CNTNAP2: variants seen among roughly 807,000 people sequenced by gnomAD.
CNTNAP2 encodes contactin-associated protein-like 2.
CNTNAP2 carries 98 observed loss-of-function variants against 155.2 expected under a neutral mutation model. The ratio of observed to expected loss-of-function variants is 0.63; its 90% confidence interval spans 0.54 to 0.75. The LOEUF (loss-of-function observed/expected upper bound fraction) is 0.75, where lower values mean the gene tolerates loss of function less well. Among genes scored for constraint, CNTNAP2 ranks in the 30% least tolerant of loss-of-function variants. The probability of loss-of-function intolerance (pLI) is 0.00; values close to 1 mark genes in which losing one functional copy is unlikely to be tolerated. For synonymous variants in CNTNAP2, 651 were observed against 631.2 expected, an observed-to-expected ratio of 1.03 and a Z score of -0.47; for missense variants, 1,727 against 1,688.1, an observed-to-expected ratio of 1.02 and a Z score of -0.40.
At chr7:146,174,140 C>T (rs13438331) in intron 1 of CNTNAP2, among the ~76,000 whole-genome samples, 28 of 151,058 alleles carry the variant, frequency 1.9e-4, no homozygotes, top group African/African-American at 2.9e-4. Flanking sequence ...CAGGGGAGGA[C>T]GCAGTGAGCT....
chr7:148,238,745 A>T (rs1298816649), intron 20 of CNTNAP2, among the ~76,000 whole-genome samples: 1 of 152,208 alleles, frequency 6.6e-6, no homozygotes, highest in Non-Finnish European at 1.5e-5. Context: ...AAATATGAAC[A>T]TAACCTCTTG....
rs116667288 is a variant in CNTNAP2, at chr7:148,044,972, G to A, written c.2383+66983G>A. 3.7e-3 allele frequency among the ~76,000 whole-genome samples: 564 copies of A among 152,178 alleles called. 2 individuals are homozygous for A. Among genetic ancestry groups the A allele is most frequent in the African/African-American group, 0.011 (462 of 41,504 alleles). ...CTCTCAAAGTGCTGAGATGACAGGC[G>A]GGAGCCACCACGCCCAGCCACCCTG... is the stretch of plus-strand genomic sequence containing the variant. On this transcript the variant is annotated intron_variant, in intron 15 of 23. Transcript: ENST00000361727.
At chr7:146,554,807 G>GTT (rs780403247) in intron 1 of CNTNAP2, among the ~76,000 whole-genome samples, 4 of 152,204 alleles carry the variant, frequency 2.6e-5, no homozygotes, top group African/African-American at 9.6e-5. Context: ...GTAAGGCAGC[G>GTT]TAAGAGCCAG....
chr7:146,615,920 A>G (rs571217153), intron 1 of CNTNAP2, among the ~76,000 whole-genome samples: 1 of 152,168 alleles, frequency 6.6e-6, no homozygotes, highest in African/African-American at 2.4e-5. Flanking sequence ...CCCTTGGAAC[A>G]TCTCTCCCCA....
In CNTNAP2 at chr7:147,132,368, A is replaced by T; in HGVS notation, c.1207A>T (p.Thr403Ser). 1 of 1,613,674 alleles carries T rather than the reference A, an allele frequency of 6.2e-7. No individual in the cohort carries two copies. Among genetic ancestry groups the T allele is most frequent in the Non-Finnish European group, 8.5e-7 (1 of 1,179,794 alleles). The change falls in exon 8 of 24, where the codon ACA (threonine) becomes TCA (serine). Residue 403 changes from threonine (T) to serine (S), a missense_variant. Thr to Ser is a moderately conservative substitution (Grantham distance 58). Transcript: ENST00000361727. The stretch of plus-strand genomic sequence containing the variant: ...GTTCTCAGTCAGTTTCCAGTTTAGG[A>T]CATGGAACCCCAATGGTCTCCTGGT... Reference protein sequence around the residue: ...DLFSVSFQFRTWNPNGLLVFS... With the variant: ...DLFSVSFQFRSWNPNGLLVFS...
At position 146,395,826 on chromosome 7, in the gene CNTNAP2, G is replaced by GATAGAGGA. The variant is rs1563068432; in HGVS notation, c.97+278853_97+278854insATAGAGGA. ...ATAGATAGATAGATAGATAGATAGA[G>GATAGAGGA]GAGAGAGAGAGAGAGAGAGAGAGAG... On this transcript the variant is annotated intron_variant, in intron 1 of 23. Coordinates refer to ENST00000361727, the MANE Select transcript of CNTNAP2 (RefSeq NM_014141.6). 2.4e-3 allele frequency among the ~76,000 whole-genome samples: 277 copies of GATAGAGGA among 116,784 alleles called. 1 individual carries two copies. The highest frequency in any genetic ancestry group is 6.0e-3 in the East Asian group (21 of 3,494). The allele number at this position is 116,784 out of a possible 152,430, so 76.6% of individuals were successfully genotyped here. A position where few individuals can be genotyped will look rare whatever the true frequency, so the allele number is the denominator to read the frequency against.
At chr7:147,839,011 G>T (rs1798678337) in intron 13 of CNTNAP2, among the ~76,000 whole-genome samples, 2 of 152,278 alleles carry the variant, frequency 1.3e-5, no homozygotes, top group South Asian at 4.2e-4. Context: ...CCACCTGCAA[G>T]CTGAGGGGCA....
intron 18 of CNTNAP2, among the ~76,000 whole-genome samples, chr7:148,206,462 T>C (rs967081393): frequency 6.6e-6 from 1 of 152,080 alleles, no homozygotes; most frequent in Non-Finnish European, 1.5e-5. Context: ...TTCAAAATTA[T>C]TTCAAGGTAT....
intron 4 of CNTNAP2, among the ~76,000 whole-genome samples, chr7:147,056,512 T>C (rs1799564253): frequency 1.3e-5 from 2 of 152,186 alleles, no homozygotes; most frequent in Non-Finnish European, 2.9e-5. Context: ...ACTCTGAACA[T>C]GGTTGGATTA....
intron 8 of CNTNAP2, among the ~76,000 whole-genome samples, chr7:147,268,271 TA>T (rs1422102945): frequency 1.3e-5 from 2 of 151,098 alleles, no homozygotes; most frequent in Admixed American, 1.3e-4. Context: ...TCAATGTTTT[TA>T]AATATACATA....
intron 15 of CNTNAP2, among the ~76,000 whole-genome samples, chr7:147,981,834 A>AT (rs148890532): frequency 0.023 from 2,814 of 122,538 alleles, 31 homozygotes; most frequent in Non-Finnish European, 0.029. Flanking sequence ...TTTTTCTTTC[A>AT]TTCTTTCTTT....
intron 9 of CNTNAP2, among the ~76,000 whole-genome samples, chr7:147,318,803 C>T (rs1054652427): frequency 1.3e-5 from 2 of 152,076 alleles, no homozygotes; most frequent in African/African-American, 4.8e-5. Context: ...GCACGTTCTG[C>T]ACATGTATCC....
chr7:147,258,305 G>C (rs1225819790), intron 8 of CNTNAP2, among the ~76,000 whole-genome samples: 1 of 152,190 alleles, frequency 6.6e-6, no homozygotes, highest in East Asian at 1.9e-4. Context: ...GATCAGATCA[G>C]AGTAATTAGC....
intron 23 of CNTNAP2, among the ~76,000 whole-genome samples, chr7:148,413,383 A>C (rs1799888945): frequency 1.0e-5 from 1 of 97,798 alleles, no homozygotes; most frequent in Non-Finnish European, 2.0e-5. Context: ...CAAGAGTGAA[A>C]CTCCGTCTCA....
At chr7:148,180,535 C>G (rs1200089563) in intron 18 of CNTNAP2, among the ~76,000 whole-genome samples, 1 of 151,926 alleles carries the variant, frequency 6.6e-6, no homozygotes, top group African/African-American at 2.4e-5. Flanking sequence ...TCTGACAAAG[C>G]CAGTTTCTCA....
intron 3 of CNTNAP2, among the ~76,000 whole-genome samples, chr7:146,877,328 C>T (rs942135889): frequency 6.2e-5 from 1 of 16,088 alleles, no homozygotes; most frequent in Non-Finnish European, 1.2e-4. Flanking sequence ...ATAGTGAGAC[C>T]CCCCCATCTC....
intron 8 of CNTNAP2, among the ~76,000 whole-genome samples, chr7:147,247,689 T>C (rs1584817932): frequency 6.6e-6 from 1 of 152,206 alleles, no homozygotes; most frequent in Non-Finnish European, 1.5e-5. Context: ...AAAAGTTTTT[T>C]GTTTATCATT....
intron 12 of CNTNAP2, among the ~76,000 whole-genome samples, chr7:147,624,642 C>A (rs1794936600): frequency 6.6e-6 from 1 of 152,112 alleles, no homozygotes. Context: ...AACAGGAAAT[C>A]CTCATACACT....
At chr7:146,327,947 G>A (rs903430490) in intron 1 of CNTNAP2, among the ~76,000 whole-genome samples, 4 of 152,210 alleles carry the variant, frequency 2.6e-5, no homozygotes, top group African/African-American at 9.6e-5. Flanking sequence ...CACACTAGCT[G>A]ACAGTAACTA....
Sources: allele counts gnomAD v4.1 joint callset (sites outside exome capture counted in the v4.1 genomes callset), GRCh38; gene constraint gnomAD v4.1.1; transcripts MANE v1.5; gene names NCBI Gene and HGNC (gene_info 2026-07-23, HGNC 2026-07-21).